Variants in ATP2C2 observed in about 807,000 individuals in gnomAD.
ATP2C2 encodes the protein calcium-transporting ATPase type 2C member 2.
Under a neutral mutation model 110.8 loss-of-function variants are expected in ATP2C2, and 171 were observed. The observed-to-expected ratio is 1.54, with a 90% CI of 1.36 to 1.75. The LOEUF is 1.75. Ranked by LOEUF, ATP2C2 falls within the 40% of genes most tolerant of loss-of-function variation. The pLI is 0.00. For missense variants in ATP2C2, 1,963 were observed against 1,235.0 expected (o/e 1.59, Z -8.84); for synonymous variants, 804 against 508.4 (o/e 1.58, Z -7.82).
At chr16:84,424,822 C>G (rs576979565) in intron 10 of ATP2C2, among the ~76,000 whole-genome samples, 16 of 152,200 alleles carry the variant, frequency 1.1e-4, no homozygotes, top group South Asian at 2.1e-4. Context: ...AGAGATGTAC[C>G]TAGTTGATTC....
At chr16:84,454,524 C>A (rs1230299137) in intron 20 of ATP2C2, among the ~76,000 whole-genome samples, 1 of 151,312 alleles carries the variant, frequency 6.6e-6, no homozygotes, top group African/African-American at 2.4e-5. Flanking sequence ...GACTGGATAA[C>A]CTTTATGAGC....
At chr16:84,417,216 G>A (rs939468525) in intron 7 of ATP2C2, among the ~76,000 whole-genome samples, 28 of 152,284 alleles carry the variant, frequency 1.8e-4, no homozygotes, top group African/African-American at 6.3e-4. Context: ...TGCTCAGAAC[G>A]GTGCCTGGCA....
intron 19 of ATP2C2, 24 bp from the exon 20 acceptor site, chr16:84,453,297 C>T (rs114737121): frequency 0.054 from 87,632 of 1,614,034 alleles, 2,784 homozygotes; most frequent in Middle Eastern, 0.073. Flanking sequence ...TCTGATTCTT[C>T]GTCTTCCCCG....
chr16:84,434,147 G>T (rs1225381984), intron 11 of ATP2C2, among the ~76,000 whole-genome samples: 1 of 152,118 alleles, frequency 6.6e-6, no homozygotes. Flanking sequence ...GTCGGGCACG[G>T]TGGCTCATGC....
At chr16:84,381,831 G>C (rs17740474) in intron 1 of ATP2C2, among the ~76,000 whole-genome samples, 11,855 of 152,050 alleles carry the variant, frequency 0.078, 633 homozygotes, top group Non-Finnish European at 0.11. Flanking sequence ...ACATTGTTTT[G>C]AATCCTTACA....
intron 11 of ATP2C2, among the ~76,000 whole-genome samples, chr16:84,437,670 C>G (rs528518431): frequency 6.6e-6 from 1 of 152,274 alleles, no homozygotes; most frequent in South Asian, 2.1e-4. Flanking sequence ...TGCATGCCAC[C>G]ACACCTGGCT....
At chr16:84,444,905 G>T (rs1597850896) in intron 15 of ATP2C2, among the ~76,000 whole-genome samples, 1 of 152,224 alleles carries the variant, frequency 6.6e-6, no homozygotes, top group Admixed American at 6.5e-5. Flanking sequence ...TGGCACTGAG[G>T]CCAGGCCAGT....
intron 11 of ATP2C2, among the ~76,000 whole-genome samples, chr16:84,427,287 GT>G (rs1291634336): frequency 6.6e-6 from 1 of 152,186 alleles, no homozygotes; most frequent in African/African-American, 2.4e-5. Flanking sequence ...CTTAGGTACA[GT>G]GGAATATTTT....
chr16:84,388,475 A>T lies in ATP2C2; in HGVS notation c.100-10024A>T, dbSNP rs144911832. 2.8e-4 allele frequency among the ~76,000 whole-genome samples: 42 copies of T among 152,282 alleles called. 1 individual carries two copies. The highest frequency in any genetic ancestry group is 1.2e-3 in the Admixed American group (18 of 15,302). On this transcript the variant is annotated intron_variant, in intron 1 of 26. Transcript: ENST00000262429. ...GGGCCTGAGTTTCTGCATTTCTAACAATTTCCAGGTGATGCTGGCCTGAGG... is the reference window on the plus strand; with the variant it reads ...GGGCCTGAGTTTCTGCATTTCTAACTATTTCCAGGTGATGCTGGCCTGAGG...
At chr16:84,447,849 ATAT>A (rs1909897999) in intron 16 of ATP2C2, among the ~76,000 whole-genome samples, 1 of 143,314 alleles carries the variant, frequency 7.0e-6, no homozygotes, top group African/African-American at 2.5e-5. Flanking sequence ...AATTAATATT[ATAT>A]TTATTAATAA....
intron 11 of ATP2C2, among the ~76,000 whole-genome samples, chr16:84,430,889 C>T (rs1371902665): frequency 1.3e-5 from 2 of 152,052 alleles, no homozygotes; most frequent in African/African-American, 4.8e-5. Flanking sequence ...AAGCCGGGCT[C>T]CTTGTCAGCA....
At chr16:84,396,228 G>GTGTA (rs1041896582) in intron 1 of ATP2C2, among the ~76,000 whole-genome samples, 1 of 151,582 alleles carries the variant, frequency 6.6e-6, no homozygotes, top group African/African-American at 2.4e-5. Context: ...TCGGGCGTGT[G>GTGTA]TGTGTGTGTG....
At chr16:84,448,028 C>T (rs8062058) in intron 16 of ATP2C2, among the ~76,000 whole-genome samples, 20,926 of 151,908 alleles carry the variant, frequency 0.14, 1,552 homozygotes, top group African/African-American at 0.17. Flanking sequence ...CCGTGGAGTT[C>T]ATAGTCTACA....
intron 1 of ATP2C2, among the ~76,000 whole-genome samples, chr16:84,390,975 G>T (rs1241243336): frequency 6.6e-6 from 1 of 151,902 alleles, no homozygotes; most frequent in South Asian, 2.1e-4. Flanking sequence ...TTAGCCCGGC[G>T]TGGTGGTGGG....
chr16:84,383,787 G>GTTTT (rs58587781), intron 1 of ATP2C2, among the ~76,000 whole-genome samples: 7 of 100,830 alleles, frequency 6.9e-5, no homozygotes, highest in East Asian at 2.8e-4. Context: ...GGTTTTGTTG[G>GTTTT]TTTTTTTTTT....
intron 1 of ATP2C2, among the ~76,000 whole-genome samples, chr16:84,393,546 A>G (rs13331694): frequency 0.041 from 6,214 of 152,270 alleles, 387 homozygotes; most frequent in African/African-American, 0.13. Flanking sequence ...ATGAAAAGAT[A>G]GAGACAGCAA....
At chr16:84,376,323 C>T (rs907283983) in intron 1 of ATP2C2, among the ~76,000 whole-genome samples, 12 of 152,160 alleles carry the variant, frequency 7.9e-5, no homozygotes, top group African/African-American at 2.7e-4. Context: ...CTGCCAATAG[C>T]AGGAAGACAC....
chr16:84,405,783 G>T (rs1022738187), intron 3 of ATP2C2, among the ~76,000 whole-genome samples: 2 of 152,156 alleles, frequency 1.3e-5, no homozygotes, highest in African/African-American at 4.8e-5. Context: ...AGCCGGATGT[G>T]GTAGTGGATG....
At chr16:84,387,758 T>C (rs1167382075) in intron 1 of ATP2C2, among the ~76,000 whole-genome samples, 1 of 152,088 alleles carries the variant, frequency 6.6e-6, no homozygotes, top group Admixed American at 6.6e-5. Flanking sequence ...AGACAGCCCT[T>C]CTCAGACAGC....
Sources: gnomAD v4.1 joint callset for allele counts (sites outside exome capture counted in the v4.1 genomes callset) on GRCh38, gnomAD v4.1.1 for gene constraint, MANE v1.5 for transcripts, NCBI Gene and HGNC (gene_info 2026-07-23, HGNC 2026-07-21) for gene names.